The following BRINP3 variants were observed in gnomAD, a reference collection of about 807,000 sequenced individuals.
BRINP3 encodes the protein BMP/retinoic acid inducible neural specific 3, also known as BMP/retinoic acid-inducible neural-specific protein 3.
In BRINP3, 19 loss-of-function variants were observed where a neutral mutation model predicts 71.0. That is an observed-to-expected ratio of 0.27 (90% confidence interval 0.19 to 0.39). The LOEUF is 0.39. Among genes scored for constraint, BRINP3 ranks in the 10% least tolerant of loss-of-function variants. The pLI is 1.00. For synonymous variants in BRINP3, 380 were observed against 337.7 expected (o/e 1.13, Z -1.37); for missense variants, 959 against 940.8 (o/e 1.02, Z -0.25).
At chr1:190,392,638 T>C (rs527426190) in intron 2 of BRINP3, among the ~76,000 whole-genome samples, 29 of 151,812 alleles carry the variant, frequency 1.9e-4, no homozygotes, top group African/African-American at 7.0e-4. Context: ...CAACTTGTAA[T>C]AGTTCACATT....
intron 6 of BRINP3, among the ~76,000 whole-genome samples, chr1:190,199,830 T>A (rs1415055447): frequency 6.6e-6 from 1 of 151,824 alleles, no homozygotes; most frequent in Non-Finnish European, 1.5e-5. Flanking sequence ...TTTTTCTTTT[T>A]TCTAGGGAAA....
At chr1:190,188,801 C>G (rs934695851) in intron 6 of BRINP3, among the ~76,000 whole-genome samples, 5 of 151,624 alleles carry the variant, frequency 3.3e-5, no homozygotes, top group Admixed American at 6.6e-5. Flanking sequence ...GCTCTTGTTG[C>G]CCAGGCTGGA....
At chr1:190,303,230 C>T (rs1273569673) in intron 2 of BRINP3, among the ~76,000 whole-genome samples, 1 of 151,592 alleles carries the variant, frequency 6.6e-6, no homozygotes, top group Admixed American at 6.6e-5. Flanking sequence ...AACAGTAATG[C>T]TTTGATATCA....
intron 1 of BRINP3, among the ~76,000 whole-genome samples, chr1:190,467,806 T>C (rs901340518): frequency 1.3e-5 from 2 of 151,566 alleles, no homozygotes; most frequent in East Asian, 1.9e-4. Context: ...AAGTAAACCA[T>C]TTTTAAAATT....
At chr1:190,376,435 T>A (rs1447343034) in intron 2 of BRINP3, among the ~76,000 whole-genome samples, 1 of 152,068 alleles carries the variant, frequency 6.6e-6, no homozygotes. Flanking sequence ...TCTGCCTACT[T>A]ATTTATAACT....
intron 6 of BRINP3, among the ~76,000 whole-genome samples, chr1:190,207,484 G>T (rs1185790555): frequency 6.6e-6 from 1 of 151,902 alleles, no homozygotes; most frequent in Admixed American, 6.6e-5. Flanking sequence ...CAACAGCAGG[G>T]TTATTTTTTC....
At chr1:190,472,351 T>C (rs12121097) in intron 1 of BRINP3, among the ~76,000 whole-genome samples, 23,708 of 151,336 alleles carry the variant, frequency 0.16, 1,875 homozygotes, top group Admixed American at 0.2. Context: ...TATTACGATG[T>C]GAAAGAAAAA....
At chr1:190,243,735 G>T (rs12140456) in intron 4 of BRINP3, among the ~76,000 whole-genome samples, 2 of 151,902 alleles carry the variant, frequency 1.3e-5, no homozygotes, top group East Asian at 3.9e-4. Flanking sequence ...TACAGCCACT[G>T]TCTGGCCTGA....
chr1:190,407,869 T>A (rs1044875278), intron 2 of BRINP3, among the ~76,000 whole-genome samples: 1 of 152,120 alleles, frequency 6.6e-6, no homozygotes, highest in East Asian at 1.9e-4. Context: ...TTACGTTGGC[T>A]GAGAAGAATT....
At chr1:190,364,026 C>T (rs1006556302) in intron 2 of BRINP3, among the ~76,000 whole-genome samples, 1 of 150,524 alleles carries the variant, frequency 6.6e-6, no homozygotes, top group East Asian at 2.0e-4. Flanking sequence ...TTAGAGTACA[C>T]TTTTATGTGA....
At chr1:190,356,273 G>A (rs1668722743) in intron 2 of BRINP3, among the ~76,000 whole-genome samples, 1 of 151,812 alleles carries the variant, frequency 6.6e-6, no homozygotes, top group Non-Finnish European at 1.5e-5. Context: ...ATGAATGGAT[G>A]GTAAATAACT....
At chr1:190,295,779 C>G (rs1234137906) in intron 2 of BRINP3, among the ~76,000 whole-genome samples, 4 of 151,998 alleles carry the variant, frequency 2.6e-5, no homozygotes, top group Non-Finnish European at 5.9e-5. Context: ...TTTCCCTCCC[C>G]AAGCAGCCAG....
At chr1:190,177,558 T>A (rs1652657322) in intron 6 of BRINP3, among the ~76,000 whole-genome samples, 1 of 152,062 alleles carries the variant, frequency 6.6e-6, no homozygotes, top group African/African-American at 2.4e-5. Flanking sequence ...CTAAATGCAT[T>A]ATTTAAACAA....
At chr1:190,276,176 C>A (rs1051740147) in intron 3 of BRINP3, among the ~76,000 whole-genome samples, 2 of 151,272 alleles carry the variant, frequency 1.3e-5, no homozygotes, top group Non-Finnish European at 3.0e-5. Context: ...GAAAGTAATT[C>A]TATGCATCTC....
chr1:190,260,986 AATTAT>A, intron 4 of BRINP3, among the ~76,000 whole-genome samples: 1 of 152,182 alleles, frequency 6.6e-6, no homozygotes, highest in East Asian at 1.9e-4. Context: ...ACATATCAGT[AATTAT>A]TTTTGAAAAT....
chr1:190,272,937 TTGCCTTG>T (rs927606774), intron 3 of BRINP3, among the ~76,000 whole-genome samples: 7 of 151,664 alleles, frequency 4.6e-5, no homozygotes, highest in African/African-American at 1.7e-4. Context: ...TGTAAACTTG[TTGCCTTG>T]TGCTAACCTT....
intron 6 of BRINP3, among the ~76,000 whole-genome samples, chr1:190,204,988 G>A (rs1213103596): frequency 1.5e-4 from 14 of 96,170 alleles, no homozygotes; most frequent in Non-Finnish European, 2.2e-4. Flanking sequence ...CATTTCCTTT[G>A]GCAAAAAAAA....
At chr1:190,377,556 T>C (rs1371340682) in intron 2 of BRINP3, among the ~76,000 whole-genome samples, 4 of 148,742 alleles carry the variant, frequency 2.7e-5, no homozygotes, top group African/African-American at 9.8e-5. Flanking sequence ...ATAATATATA[T>C]ATATATATAT....
Position 190,454,887 on chromosome 1 carries a change from T to A in BRINP3, c.4A>T (p.Ile2Leu). Residue 2 changes from isoleucine to leucine, a missense_variant, in exon 2 of 8, where the codon ATA becomes TTA. Physicochemically the swap from Ile to Leu is conservative, Grantham distance 5. Transcript: ENST00000367462. ...TCAGCACCAGCTCTGCTTCGCCATA[T>A]CATGCTTCCACTGGGGATTTAGAGC... MIWRSRAGAELF... is the reference protein window; with the variant it reads MLWRSRAGAELF... 1 of 1,613,504 alleles carries A rather than the reference T, an allele frequency of 6.2e-7. No homozygotes were observed. The highest frequency in any genetic ancestry group is 8.5e-7 in the Non-Finnish European group (1 of 1,179,468).
Sources: gnomAD v4.1 joint callset for allele counts (sites outside exome capture counted in the v4.1 genomes callset) on GRCh38, gnomAD v4.1.1 for gene constraint, MANE v1.5 for transcripts, NCBI Gene and HGNC (gene_info 2026-07-23, HGNC 2026-07-21) for gene names.